ARPP21: variants seen among roughly 807,000 people sequenced by gnomAD.
ARPP21 encodes the protein cAMP-regulated phosphoprotein 21.
In ARPP21, 69 loss-of-function variants were observed where a neutral mutation model predicts 113.2. The ratio of observed to expected loss-of-function variants is 0.61; its 90% CI spans 0.50 to 0.74. The LOEUF (loss-of-function observed/expected upper bound fraction) is 0.74. ARPP21 is among the 30% of genes least tolerant of loss of function. ARPP21 has a pLI of 0.00. For synonymous variants in ARPP21, 368 were observed against 375.5 expected (o/e 0.98, Z 0.23); for missense variants, 1,070 against 1,037.4 (o/e 1.03, Z -0.43).
At chr3:35,736,254 T>C (rs2150664381) in intron 15 of ARPP21, among the ~76,000 whole-genome samples, 1 of 152,322 alleles carries the variant, frequency 6.6e-6, no homozygotes. Flanking sequence ...TTACTGTGCT[T>C]GCCACATAGA....
intron 1 of ARPP21, chr3:35,678,902 C>G (rs1053060672): frequency 6.6e-6 from 1 of 151,754 alleles, no homozygotes; most frequent in African/African-American, 2.4e-5. Flanking sequence ...ACCAGAATAG[C>G]GTTATAGGGA....
At chr3:35,783,627 C>CA (rs765512724) in intron 19 of ARPP21, among the ~76,000 whole-genome samples, 1 of 152,126 alleles carries the variant, frequency 6.6e-6, no homozygotes, top group Non-Finnish European at 1.5e-5. Flanking sequence ...TACAACCCCA[C>CA]ATTGTCTCAT....
intron 1 of ARPP21, among the ~76,000 whole-genome samples, chr3:35,660,835 A>G (rs1575526493): frequency 6.6e-6 from 1 of 152,250 alleles, no homozygotes; most frequent in East Asian, 1.9e-4. Context: ...TAAATAATGA[A>G]TTAGTCTAAT....
intron 1 of ARPP21, among the ~76,000 whole-genome samples, chr3:35,669,964 A>G (rs1476865226): frequency 6.6e-6 from 1 of 152,134 alleles, no homozygotes; most frequent in African/African-American, 2.4e-5. Context: ...CTGGGACCAC[A>G]CACCAATGTC....
chr3:35,705,453 G>A (rs1399224144), intron 9 of ARPP21, among the ~76,000 whole-genome samples: 2 of 152,098 alleles, frequency 1.3e-5, no homozygotes, highest in Non-Finnish European at 2.9e-5. Context: ...CGCACTTTCA[G>A]GTTTTTGGTT....
chr3:35,790,641 A>G (rs2096729581), intron 19 of ARPP21, among the ~76,000 whole-genome samples: 1 of 152,228 alleles, frequency 6.6e-6, no homozygotes. Context: ...TCCTTATTGT[A>G]TAAACTTCAA....
chr3:35,771,357 C>T (rs1326621750), intron 19 of ARPP21, among the ~76,000 whole-genome samples: 1 of 151,384 alleles, frequency 6.6e-6, no homozygotes, highest in Non-Finnish European at 1.5e-5. Flanking sequence ...AAGATGCAGT[C>T]TCACTCTGTT....
At chr3:35,654,734 G>A (rs1399719059) in intron 1 of ARPP21, among the ~76,000 whole-genome samples, 1 of 152,026 alleles carries the variant, frequency 6.6e-6, no homozygotes, top group Non-Finnish European at 1.5e-5. Context: ...CCCTCAAGGA[G>A]TCAGTTTCTC....
At chr3:35,689,466 A>T in intron 7 of ARPP21, 81 bp downstream of exon 7, 2 of 763,144 alleles carry the variant, frequency 2.6e-6, no homozygotes, top group South Asian at 3.0e-5. Context: ...AACACTTCTA[A>T]GAAAGCCATT....
intron 1 of ARPP21, among the ~76,000 whole-genome samples, chr3:35,654,376 A>G (rs991958545): frequency 2.0e-5 from 3 of 151,978 alleles, no homozygotes; most frequent in African/African-American, 7.2e-5. Context: ...TCCTCTGTAA[A>G]CTCAGGGAAA....
intron 11 of ARPP21, among the ~76,000 whole-genome samples, chr3:35,710,578 CA>C (rs1286000905): frequency 5.8e-4 from 87 of 150,600 alleles, no homozygotes; most frequent in Middle Eastern, 6.8e-3. Flanking sequence ...CACACACACA[CA>C]CACACACATT....
intron 12 of ARPP21, among the ~76,000 whole-genome samples, chr3:35,717,049 C>T (rs2150205141): frequency 6.6e-6 from 1 of 152,074 alleles, no homozygotes; most frequent in African/African-American, 2.4e-5. Context: ...AATCTCTTTT[C>T]TCCTCTTCTA....
chr3:35,739,032 G>A (rs564081504), intron 17 of ARPP21, among the ~76,000 whole-genome samples: 12 of 152,278 alleles, frequency 7.9e-5, no homozygotes, highest in African/African-American at 2.6e-4. Flanking sequence ...CCACCCTGAG[G>A]AGCCTGTGCC....
At chr3:35,694,621 A>AT (rs991490791) in intron 9 of ARPP21, among the ~76,000 whole-genome samples, 2 of 151,194 alleles carry the variant, frequency 1.3e-5, no homozygotes, top group Admixed American at 6.6e-5. Context: ...TATCAAAAAG[A>AT]TTTTTTTTAA....
chr3:35,675,798 AGATGATGATGAT>A (rs58955088), intron 1 of ARPP21, among the ~76,000 whole-genome samples: 16 of 149,244 alleles, frequency 1.1e-4, no homozygotes, highest in African/African-American at 1.7e-4. Flanking sequence ...GCTAAGATGA[AGATGATGATGAT>A]GATGATGATG....
rs147297975 is a variant in ARPP21, at chr3:35,655,444, A to G, written c.-213+15046A>G. On this transcript the variant is annotated intron_variant, in intron 1 of 20. Coordinates refer to ENST00000684406, the MANE Select transcript of ARPP21 (RefSeq NM_001385562.1). The stretch of plus-strand genomic sequence containing the variant: ...TAGAAGAGAATCAATGAAGAGTGGA[A>G]ACTTGCCTGTACCCCTCTTCTCTGC... Among the ~76,000 whole-genome samples the G allele has an allele frequency of 3.8e-3, 585 of 152,146 alleles. 7 individuals carry two copies. Among genetic ancestry groups the G allele is most frequent in the African/African-American group, 0.013 (547 of 41,542 alleles).
intron 19 of ARPP21, among the ~76,000 whole-genome samples, chr3:35,754,307 T>C (rs192894508): frequency 6.6e-6 from 1 of 152,096 alleles, no homozygotes; most frequent in Admixed American, 6.6e-5. Context: ...AGAGAAGCAA[T>C]GCAAAAGTTG....
intron 1 of ARPP21, among the ~76,000 whole-genome samples, chr3:35,663,903 G>T (rs1179125814): frequency 6.6e-6 from 1 of 152,178 alleles, no homozygotes; most frequent in African/African-American, 2.4e-5. Flanking sequence ...CAAAAAAGGT[G>T]CAGGGCATTT....
chr3:35,654,383 GA>G (rs1703830587), intron 1 of ARPP21, among the ~76,000 whole-genome samples: 1 of 152,042 alleles, frequency 6.6e-6, no homozygotes, highest in Non-Finnish European at 1.5e-5. Context: ...TAAACTCAGG[GA>G]AAGGCACTAC....
Sources: allele counts gnomAD v4.1 joint callset (sites outside exome capture counted in the v4.1 genomes callset), GRCh38; gene constraint gnomAD v4.1.1; transcripts MANE v1.5; gene names NCBI Gene and HGNC (gene_info 2026-07-23, HGNC 2026-07-21).